The following RBFOX1 variants were observed in gnomAD, a reference collection of about 807,000 sequenced individuals.
RBFOX1 encodes the protein RNA binding fox-1 homolog 1, also known as RNA binding protein fox-1 homolog 1.
Under a neutral mutation model 57.7 loss-of-function variants are expected in RBFOX1, and 8 were observed. That is an observed-to-expected ratio of 0.14 (90% confidence interval 0.08 to 0.25). The LOEUF is 0.25. Among genes scored for constraint, RBFOX1 ranks in the 10% least tolerant of loss-of-function variants. The probability of loss-of-function intolerance (pLI) is 1.00; values close to 1 mark genes in which losing one functional copy is unlikely to be tolerated. For missense variants in RBFOX1, 611 were observed against 548.5 expected (o/e 1.11, Z -1.14); for synonymous variants, 326 against 222.4 (o/e 1.47, Z -4.15).
chr16:5,563,671 A>T (rs538840005), intron 2 of RBFOX1, among the ~76,000 whole-genome samples: 49 of 152,356 alleles, frequency 3.2e-4, no homozygotes, highest in African/African-American at 1.1e-3. Flanking sequence ...TTAAAATTAC[A>T]GCTTTATTGA....
intron 3 of RBFOX1, among the ~76,000 whole-genome samples, chr16:5,766,110 G>T (rs1567512852): frequency 6.6e-6 from 1 of 152,150 alleles, no homozygotes; most frequent in Non-Finnish European, 1.5e-5. Context: ...CAAGGTTTTT[G>T]AAACCTTCCA....
At chr16:7,010,539 T>TA (rs1262767271) in intron 3 of RBFOX1, among the ~76,000 whole-genome samples, 1 of 149,944 alleles carries the variant, frequency 6.7e-6, no homozygotes, top group Admixed American at 6.7e-5. Context: ...CATCTCCCCT[T>TA]TTTTTTTTGT....
chr16:7,392,011 C>T (rs181499549), intron 4 of RBFOX1, among the ~76,000 whole-genome samples: 2 of 152,216 alleles, frequency 1.3e-5, no homozygotes, highest in South Asian at 2.1e-4. Flanking sequence ...CCTTCCCCTC[C>T]TGCCTTTTGC....
At chr16:7,215,735 T>TTC (rs1284152934) in intron 4 of RBFOX1, among the ~76,000 whole-genome samples, 1 of 151,202 alleles carries the variant, frequency 6.6e-6, no homozygotes, top group Non-Finnish European at 1.5e-5. Context: ...ATTTTTTTTT[T>TTC]TTTTTTTGAG....
At chr16:6,913,861 G>T (rs1384987941) in intron 3 of RBFOX1, among the ~76,000 whole-genome samples, 1 of 152,198 alleles carries the variant, frequency 6.6e-6, no homozygotes, top group Non-Finnish European at 1.5e-5. Flanking sequence ...TTCAGGGAGG[G>T]CCAATCTATT....
In RBFOX1 at chr16:7,156,567, A is replaced by G. The variant is rs1022655558; in HGVS notation, c.27+104469A>G. On this transcript the variant is annotated intron_variant, in intron 4 of 15. Transcript: ENST00000550418. ...CATGTAGATATACATATGTGTACAT[A>G]TGTATGCACATTTGCATGCAGATAT... Among the ~76,000 whole-genome samples, 7 of 152,232 alleles carry G rather than the reference A, an allele frequency of 4.6e-5. No individual in the cohort carries two copies. The East Asian group carries it at 1.2e-3, about 25-fold the overall frequency.
At chr16:5,852,928 C>G (rs1380650231) in intron 3 of RBFOX1, among the ~76,000 whole-genome samples, 3 of 152,192 alleles carry the variant, frequency 2.0e-5, no homozygotes, top group African/African-American at 7.2e-5. Context: ...TACTGCCCCT[C>G]CTCTAGGGCC....
chr16:6,990,547 G>A (rs2091255998), intron 3 of RBFOX1, among the ~76,000 whole-genome samples: 1 of 151,964 alleles, frequency 6.6e-6, no homozygotes, highest in African/African-American at 2.4e-5. Context: ...AATTCTGTTA[G>A]TATTCACATA....
chr16:6,916,062 C>T (rs993202540), intron 3 of RBFOX1, among the ~76,000 whole-genome samples: 3 of 152,082 alleles, frequency 2.0e-5, no homozygotes, highest in Admixed American at 6.6e-5. Context: ...CACTGCTACT[C>T]CCCAGACCCA....
chr16:7,576,281 G>T (rs558998194), intron 5 of RBFOX1, among the ~76,000 whole-genome samples: 1 of 152,192 alleles, frequency 6.6e-6, no homozygotes, highest in African/African-American at 2.4e-5. Context: ...GAGAAGAAAA[G>T]TGACCTGCCT....
At chr16:5,520,961 CTG>C in intron 2 of RBFOX1, among the ~76,000 whole-genome samples, 1 of 152,274 alleles carries the variant, frequency 6.6e-6, no homozygotes, top group Admixed American at 6.5e-5. Flanking sequence ...CAACTGCAGC[CTG>C]TGTGTGTCCT....
At chr16:7,237,000 G>A (rs1033593007) in intron 4 of RBFOX1, among the ~76,000 whole-genome samples, 9 of 152,326 alleles carry the variant, frequency 5.9e-5, no homozygotes, top group East Asian at 1.9e-4. Context: ...GAGGCAAGCC[G>A]TTCTTTCACT....
chr16:5,508,742 T>G (rs1285993287), intron 2 of RBFOX1, among the ~76,000 whole-genome samples: 1 of 152,166 alleles, frequency 6.6e-6, no homozygotes, highest in Non-Finnish European at 1.5e-5. Context: ...TTGCACAGAC[T>G]GTGACCACCA....
intron 11 of RBFOX1, among the ~76,000 whole-genome samples, chr16:7,650,313 C>CT (rs35693712): frequency 0.39 from 54,678 of 138,888 alleles, 10,948 homozygotes; most frequent in East Asian, 0.76. Flanking sequence ...GTGGAACTCT[C>CT]TTTTTTTTTT....
intron 2 of RBFOX1, among the ~76,000 whole-genome samples, chr16:6,384,721 T>C (rs546743392): frequency 6.6e-6 from 1 of 152,352 alleles, no homozygotes; most frequent in African/African-American, 2.4e-5. Flanking sequence ...TGCCTCCATC[T>C]CAGAGTGTGT....
chr16:6,865,683 G>C (rs1433502181), intron 3 of RBFOX1, among the ~76,000 whole-genome samples: 1 of 152,094 alleles, frequency 6.6e-6, no homozygotes, highest in African/African-American at 2.4e-5. Flanking sequence ...AATTCCTTTA[G>C]TTAATAAGTT....
intron 1 of RBFOX1, among the ~76,000 whole-genome samples, chr16:6,069,398 C>CAAAA (rs34337622): frequency 8.8e-6 from 1 of 113,940 alleles, no homozygotes; most frequent in Non-Finnish European, 1.8e-5. Flanking sequence ...AACTCTGCCT[C>CAAAA]AAAAAAAAAA....
At chr16:7,232,871 A>C (rs867792904) in intron 4 of RBFOX1, among the ~76,000 whole-genome samples, 56 of 151,148 alleles carry the variant, frequency 3.7e-4, no homozygotes, top group African/African-American at 1.4e-3. Context: ...AAAAAAAAAA[A>C]GAATGAGGTA....
chr16:7,552,213 CT>C (rs2086768345), intron 5 of RBFOX1, among the ~76,000 whole-genome samples: 1 of 152,234 alleles, frequency 6.6e-6, no homozygotes, highest in East Asian at 1.9e-4. Context: ...CCTTGTACTT[CT>C]TTTTTCATAG....
Sources: allele counts gnomAD v4.1 joint callset (sites outside exome capture counted in the v4.1 genomes callset), GRCh38; gene constraint gnomAD v4.1.1; transcripts MANE v1.5; gene names NCBI Gene and HGNC (gene_info 2026-07-23, HGNC 2026-07-21).